CTNNA3: variants seen among roughly 807,000 people sequenced by gnomAD.
CTNNA3 encodes the protein catenin alpha 3.
A neutral mutation model predicts 95.7 loss-of-function variants in CTNNA3; 76 were observed. The ratio of observed to expected loss-of-function variants is 0.79; its 90% CI spans 0.66 to 0.96. The LOEUF (loss-of-function observed/expected upper bound fraction) is 0.96, where lower values mean the gene tolerates loss of function less well. Ranked by LOEUF, CTNNA3 falls within the 40% of genes least tolerant of loss-of-function variation. CTNNA3 has a pLI of 0.00. For synonymous variants in CTNNA3, 431 were observed against 374.4 expected, an observed-to-expected ratio of 1.15 and a Z score of -1.74; for missense variants, 1,191 against 1,089.8, an observed-to-expected ratio of 1.09 and a Z score of -1.31.
intron 5 of CTNNA3, among the ~76,000 whole-genome samples, chr10:67,372,078 T>G (rs1231899323): frequency 6.6e-6 from 1 of 152,066 alleles, no homozygotes; most frequent in Non-Finnish European, 1.5e-5. Flanking sequence ...ATGGGTTGTT[T>G]TTTTTTTCTT....
chr10:67,373,272 G>A (rs1355939652), intron 5 of CTNNA3, among the ~76,000 whole-genome samples: 1 of 152,128 alleles, frequency 6.6e-6, no homozygotes, highest in Non-Finnish European at 1.5e-5. Context: ...TAAAGGGATG[G>A]AGGAAGATCT....
chr10:66,414,676 C>T lies in CTNNA3; in HGVS notation c.1532-35324G>A, dbSNP rs570382519. 3.3e-5 allele frequency among the ~76,000 whole-genome samples: 5 copies of T among 152,250 alleles called. No individual in the cohort carries two copies. In the South Asian group the frequency reaches 6.2e-4, roughly 19 times the overall value. ...TTGCCTGCAACAGACTGCACACTGT[C>T]CTGGAACCCAGGAATGCTGAGGCTA... On this transcript the variant is annotated intron_variant, in intron 11 of 17. Coordinates refer to ENST00000433211, the MANE Select transcript of CTNNA3 (RefSeq NM_013266.4).
At chr10:66,180,271 G>C (rs1187034588) in intron 13 of CTNNA3, among the ~76,000 whole-genome samples, 3 of 152,120 alleles carry the variant, frequency 2.0e-5, no homozygotes, top group Non-Finnish European at 4.4e-5. Context: ...CTGAACATCA[G>C]AAATCAAGAG....
chr10:67,001,279 G>A lies in CTNNA3; in HGVS notation c.1047+179038C>T, dbSNP rs565666376. Among the ~76,000 whole-genome samples the A allele has an allele frequency of 6.2e-3, 877 of 142,476 alleles. 4 individuals carry two copies. The highest frequency in any genetic ancestry group is 9.4e-3 in the Non-Finnish European group (620 of 66,258). The allele number at this position is 142,476 out of a possible 152,430, so 93.5% of individuals were successfully genotyped here. A position where few individuals can be genotyped will look rare whatever the true frequency, so the allele number is the denominator to read the frequency against. On this transcript the variant is annotated intron_variant, in intron 7 of 17. Transcript: ENST00000433211. ...TGGAGCCACTGCACTCCAGCCTGAC[G>A]ACAGAGTGAGACTCTGTCTAAAAAA...
intron 9 of CTNNA3, among the ~76,000 whole-genome samples, chr10:66,762,433 T>G (rs1214421775): frequency 6.6e-6 from 1 of 151,990 alleles, no homozygotes; most frequent in African/African-American, 2.4e-5. Context: ...TCAGCATAAC[T>G]AAGATAAAAT....
intron 12 of CTNNA3, among the ~76,000 whole-genome samples, chr10:66,360,709 C>CT (rs1564896621): frequency 2.6e-5 from 1 of 37,990 alleles, no homozygotes; most frequent in Admixed American, 3.8e-4. Context: ...TCTTTCTTTC[C>CT]TCCTTCCTTT....
intron 10 of CTNNA3, among the ~76,000 whole-genome samples, chr10:66,587,670 G>T (rs532063281): frequency 6.6e-6 from 1 of 152,266 alleles, no homozygotes; most frequent in South Asian, 2.1e-4. Flanking sequence ...GGGATGCAGG[G>T]GTTAGCAAGC....
At chr10:66,695,692 C>A (rs1427378267) in intron 9 of CTNNA3, among the ~76,000 whole-genome samples, 1 of 151,944 alleles carries the variant, frequency 6.6e-6, no homozygotes, top group East Asian at 1.9e-4. Flanking sequence ...CAGGAAGATA[C>A]AAGAAGACAA....
intron 16 of CTNNA3, among the ~76,000 whole-genome samples, chr10:65,971,064 T>C (rs2078089533): frequency 6.6e-6 from 1 of 151,692 alleles, no homozygotes; most frequent in South Asian, 2.1e-4. Flanking sequence ...AATTTACTTT[T>C]GGGTAAACAA....
At chr10:66,309,464 G>A (rs544933599) in intron 12 of CTNNA3, among the ~76,000 whole-genome samples, 2 of 151,792 alleles carry the variant, frequency 1.3e-5, no homozygotes, top group South Asian at 2.1e-4. Flanking sequence ...AGGCCAAGGC[G>A]GGCAGATCAC....
chr10:66,424,218 G>A (rs998527237), intron 11 of CTNNA3, among the ~76,000 whole-genome samples: 12 of 151,702 alleles, frequency 7.9e-5, no homozygotes, highest in African/African-American at 2.9e-4. Flanking sequence ...ATTCAGTCCT[G>A]CAAGGGCTTT....
intron 7 of CTNNA3, among the ~76,000 whole-genome samples, chr10:66,860,177 TA>T: frequency 6.6e-6 from 1 of 152,002 alleles, no homozygotes; most frequent in Admixed American, 6.6e-5. Context: ...AATAATAAAA[TA>T]AAATAAAAAG....
At chr10:66,829,681 T>C (rs1166978568) in intron 7 of CTNNA3, among the ~76,000 whole-genome samples, 1 of 106,340 alleles carries the variant, frequency 9.4e-6, no homozygotes, top group Non-Finnish European at 1.9e-5. Flanking sequence ...ACTTTTTCAA[T>C]TAACATTTTG....
At chr10:67,673,555 G>A (rs1475061058) in intron 1 of CTNNA3, among the ~76,000 whole-genome samples, 20 of 148,394 alleles carry the variant, frequency 1.3e-4, no homozygotes. Flanking sequence ...AATTTATTGA[G>A]AGTTTTTAGC....
intron 1 of CTNNA3, among the ~76,000 whole-genome samples, chr10:67,739,899 T>C (rs1358822821): frequency 2.0e-5 from 3 of 152,168 alleles, no homozygotes; most frequent in Non-Finnish European, 4.4e-5. Flanking sequence ...GCTACCTGAC[T>C]TCAAACTATA....
intron 11 of CTNNA3, among the ~76,000 whole-genome samples, chr10:66,428,190 C>T (rs1166093604): frequency 1.3e-5 from 2 of 152,134 alleles, no homozygotes; most frequent in East Asian, 3.9e-4. Context: ...ATCAATTCAA[C>T]AAGAAGAGCT....
chr10:66,458,287 G>A (rs1020314513), intron 11 of CTNNA3, among the ~76,000 whole-genome samples: 1 of 152,080 alleles, frequency 6.6e-6, no homozygotes, highest in Non-Finnish European at 1.5e-5. Context: ...CTCTAAAAAG[G>A]AAAGAATTAT....
At chr10:67,046,860 AT>A (rs771679289) in intron 7 of CTNNA3, among the ~76,000 whole-genome samples, 13 of 152,312 alleles carry the variant, frequency 8.5e-5, no homozygotes, top group Non-Finnish European at 1.6e-4. Flanking sequence ...GTAGATAGGA[AT>A]TAAGGGTCCA....
intron 5 of CTNNA3, among the ~76,000 whole-genome samples, chr10:67,338,111 G>A (rs527385514): frequency 6.6e-6 from 1 of 152,276 alleles, no homozygotes; most frequent in South Asian, 2.1e-4. Context: ...TTGTACTGCT[G>A]TAAAGAAATA....
Sources: allele counts gnomAD v4.1 joint callset (sites outside exome capture counted in the v4.1 genomes callset), GRCh38; gene constraint gnomAD v4.1.1; transcripts MANE v1.5; gene names NCBI Gene and HGNC (gene_info 2026-07-23, HGNC 2026-07-21).